Variants in MSRA observed in about 807,000 individuals in gnomAD.
MSRA encodes mitochondrial peptide methionine sulfoxide reductase.
A neutral mutation model predicts 31.3 loss-of-function variants in MSRA; 54 were observed. The ratio of observed to expected loss-of-function variants is 1.73; its 90% CI spans 1.39 to 2.17. The LOEUF is 2.17. Ranked by LOEUF, MSRA falls within the 30% of genes most tolerant of loss-of-function variation. The pLI, the probability that MSRA is intolerant of heterozygous loss-of-function variation, is 0.00. For synonymous variants in MSRA, 169 were observed against 116.5 expected (o/e 1.45, Z -2.90); for missense variants, 507 against 300.9 (o/e 1.69, Z -5.07).
At chr8:10,394,717 C>G (rs1463828425) in intron 5 of MSRA, among the ~76,000 whole-genome samples, 1 of 152,248 alleles carries the variant, frequency 6.6e-6, no homozygotes, top group African/African-American at 2.4e-5. Context: ...CTTCTGCACT[C>G]TGCCCCAGCA....
intron 5 of MSRA, among the ~76,000 whole-genome samples, chr8:10,381,920 T>G (rs1273960625): frequency 1.3e-5 from 2 of 152,176 alleles, no homozygotes; most frequent in Admixed American, 1.3e-4. Flanking sequence ...CCCAGGGGAT[T>G]AGAGGCATGT....
intron 1 of MSRA, among the ~76,000 whole-genome samples, chr8:10,179,349 T>G (rs1430424075): frequency 6.6e-6 from 1 of 152,180 alleles, no homozygotes; most frequent in African/African-American, 2.4e-5. Flanking sequence ...GACTTTGGGC[T>G]GTAAGGGTTG....
intron 4 of MSRA, among the ~76,000 whole-genome samples, chr8:10,317,419 C>T (rs940060127): frequency 3.3e-5 from 5 of 152,214 alleles, no homozygotes; most frequent in African/African-American, 7.2e-5. Context: ...ATAGATGAAG[C>T]GTTTCTGTTT....
At chr8:10,158,920 T>A (rs1266796114) in intron 1 of MSRA, among the ~76,000 whole-genome samples, 1 of 152,248 alleles carries the variant, frequency 6.6e-6, no homozygotes, top group Non-Finnish European at 1.5e-5. Flanking sequence ...ATAGCCACTC[T>A]ACTGCGTGTG....
chr8:10,294,966 C>G (rs1468156087), intron 3 of MSRA, among the ~76,000 whole-genome samples: 2 of 152,086 alleles, frequency 1.3e-5, no homozygotes, highest in African/African-American at 4.8e-5. Flanking sequence ...AAAGACCTTC[C>G]CTGAAACTGG....
intron 3 of MSRA, among the ~76,000 whole-genome samples, chr8:10,285,632 C>T (rs554799210): frequency 1.3e-5 from 2 of 152,076 alleles, no homozygotes; most frequent in South Asian, 4.2e-4. Context: ...TAACCAGTCT[C>T]TCCCTATATC....
chr8:10,375,397 T>G (rs769037831), intron 5 of MSRA, among the ~76,000 whole-genome samples: 1 of 152,228 alleles, frequency 6.6e-6, no homozygotes, highest in Non-Finnish European at 1.5e-5. Context: ...ATCGGAGGCA[T>G]GACCACAATT....
intron 1 of MSRA, among the ~76,000 whole-genome samples, chr8:10,155,894 TA>T (rs1280917150): frequency 1.3e-5 from 2 of 152,202 alleles, no homozygotes; most frequent in Non-Finnish European, 2.9e-5. Flanking sequence ...AACCTTAATG[TA>T]ATCAACTGAT....
intron 1 of MSRA, among the ~76,000 whole-genome samples, chr8:10,086,011 C>T (rs1309907355): frequency 6.6e-6 from 1 of 152,086 alleles, no homozygotes; most frequent in Admixed American, 6.5e-5. Context: ...ATGAATAATT[C>T]TTCCATGAAT....
chr8:10,424,979 G>A (rs1482807296), intron 5 of MSRA, among the ~76,000 whole-genome samples: 1 of 152,242 alleles, frequency 6.6e-6, no homozygotes, highest in Non-Finnish European at 1.5e-5. Context: ...GTGGCGGAGG[G>A]AGACCTCGCA....
At chr8:10,120,892 G>A (rs752881237) in intron 1 of MSRA, among the ~76,000 whole-genome samples, 7 of 152,190 alleles carry the variant, frequency 4.6e-5, no homozygotes, top group Non-Finnish European at 1.0e-4. Context: ...TTTACCAAGA[G>A]TCTCCTGTGT....
chr8:10,299,424 T>TTA (rs1357276963), intron 3 of MSRA, among the ~76,000 whole-genome samples: 2 of 152,188 alleles, frequency 1.3e-5, no homozygotes, highest in Admixed American at 1.3e-4. Flanking sequence ...AATCACATTA[T>TTA]TATACCTACT....
intron 2 of MSRA, among the ~76,000 whole-genome samples, chr8:10,220,405 C>A (rs536239541): frequency 6.6e-6 from 1 of 152,256 alleles, no homozygotes; most frequent in African/African-American, 2.4e-5. Flanking sequence ...GTAGACATTA[C>A]CATGAAGAAA....
intron 1 of MSRA, among the ~76,000 whole-genome samples, chr8:10,105,333 G>A (rs7005916): frequency 0.01 from 1,528 of 152,196 alleles, 25 homozygotes; most frequent in African/African-American, 0.033. Flanking sequence ...TTTCCGATGA[G>A]GCAGAGAGGG....
At chr8:10,309,966 T>C (rs761790397) in intron 4 of MSRA, among the ~76,000 whole-genome samples, 1 of 152,214 alleles carries the variant, frequency 6.6e-6, no homozygotes, top group East Asian at 1.9e-4. Flanking sequence ...GAAACATTCA[T>C]TGAAGGGAGA....
intron 2 of MSRA, among the ~76,000 whole-genome samples, chr8:10,242,721 C>A (rs1300252542): frequency 6.6e-6 from 1 of 151,862 alleles, no homozygotes; most frequent in East Asian, 1.9e-4. Context: ...TTTGTTTAAA[C>A]ACACACACAC....
At chr8:10,169,019 A>G (rs1021806989) in intron 1 of MSRA, among the ~76,000 whole-genome samples, 5 of 152,210 alleles carry the variant, frequency 3.3e-5, no homozygotes, top group African/African-American at 1.2e-4. Context: ...GGAATGTTAT[A>G]AGTACTTTTG....
chr8:10,342,834 G>T (rs1479362270), intron 5 of MSRA, among the ~76,000 whole-genome samples: 2 of 152,246 alleles, frequency 1.3e-5, no homozygotes, highest in Non-Finnish European at 2.9e-5. Context: ...CCAGGCTCCG[G>T]TGAAAGACAG....
At chr8:10,319,041 T>A (rs1271375865) in intron 4 of MSRA, among the ~76,000 whole-genome samples, 1 of 152,186 alleles carries the variant, frequency 6.6e-6, no homozygotes, top group Non-Finnish European at 1.5e-5. Context: ...TCCCCACTGA[T>A]CACGTGAACT....
Sources: gnomAD v4.1 joint callset for allele counts (sites outside exome capture counted in the v4.1 genomes callset) on GRCh38, gnomAD v4.1.1 for gene constraint, MANE v1.5 for transcripts, NCBI Gene and HGNC (gene_info 2026-07-23, HGNC 2026-07-21) for gene names.